The following SGPL1 variants were observed in gnomAD, a reference collection of about 807,000 sequenced individuals.
The protein encoded by SGPL1 is sphingosine-1-phosphate lyase 1, also known as SP-lyase 1.
A neutral mutation model predicts 68.9 loss-of-function variants in SGPL1; 37 were observed. The ratio of observed to expected loss-of-function variants is 0.54; its 90% confidence interval spans 0.41 to 0.71. The LOEUF is 0.71. Among genes scored for constraint, SGPL1 ranks in the 30% least tolerant of loss-of-function variants. The pLI is 0.00. For synonymous variants in SGPL1, 236 were observed against 248.5 expected (o/e 0.95, Z 0.47); for missense variants, 551 against 704.6 (o/e 0.78, Z 2.47).
Position 70,873,694 on chromosome 10 carries a change from T to A in SGPL1, c.1298+105T>A, listed in dbSNP as rs1189662226. On this transcript the variant is annotated intron_variant, in intron 12 of 14. Coordinates refer to ENST00000373202, the MANE Select transcript of SGPL1 (RefSeq NM_003901.4). ...ATCCATAGCCCTAGCCCACCTGTTG[T>A]CTCCTGCGATATAGAGGGCTTAGGG... 10 of 842,422 alleles carry A rather than the reference T, an allele frequency of 1.2e-5. No homozygotes were observed. The Admixed American group carries it at 1.8e-4, about 15-fold the overall frequency. The allele number at this position is 842,422 out of a possible 1,614,324, so 52.2% of individuals were successfully genotyped here.
At chr10:70,870,264 G>A (rs1398745917) in intron 9 of SGPL1, among the ~76,000 whole-genome samples, 1 of 152,106 alleles carries the variant, frequency 6.6e-6, no homozygotes, top group Admixed American at 6.6e-5. Flanking sequence ...TTGGGAAGCC[G>A]AGGAGGGAGG....
At position 70,854,664 on chromosome 10, in the gene SGPL1, T is replaced by C. The variant is rs2171157; in HGVS notation, c.262-44T>C. The C allele has an allele frequency of 0.38, 593,801 of 1,566,664 alleles. 115,003 individuals carry two copies. The highest frequency in any genetic ancestry group is 0.5 in the South Asian group (41,402 of 82,526). On this transcript the variant is annotated intron_variant, in intron 4 of 14. Transcript: ENST00000373202. The stretch of plus-strand genomic sequence containing the variant: ...GTCATAATAATTCTGCTGTCTCTAC[T>C]GTACTCTTGCATCTGGATAACTTTG...
intron 9 of SGPL1, among the ~76,000 whole-genome samples, chr10:70,870,530 C>T (rs1266430932): frequency 2.6e-5 from 4 of 151,456 alleles, no homozygotes; most frequent in Non-Finnish European, 5.9e-5. Flanking sequence ...AAGACTCTCA[C>T]TGTGGTTTAG....
chr10:70,863,289 CTTT>C (rs35676112), intron 7 of SGPL1, among the ~76,000 whole-genome samples: 4,842 of 118,670 alleles, frequency 0.041, 108 homozygotes, highest in Non-Finnish European at 0.057. Context: ...GCTTGGCCGT[CTTT>C]TTTTTTTTTT....
rs142384081 is a variant in SGPL1, at chr10:70,848,611, C to T, written c.194-2532C>T. Among the ~76,000 whole-genome samples, 776 of 151,870 alleles carry T rather than the reference C, an allele frequency of 5.1e-3. 5 individuals are homozygous for T. The highest frequency in any genetic ancestry group is 0.017 in the African/African-American group (687 of 41,442). On this transcript the variant is annotated intron_variant, in intron 3 of 14. Coordinates refer to ENST00000373202, the MANE Select transcript of SGPL1 (RefSeq NM_003901.4). ...TCCCGAGTAGCTGGGATTACAGGCG[C>T]GTGCCATCACGCCCAGCTAATTTTT...
intron 2 of SGPL1, among the ~76,000 whole-genome samples, chr10:70,823,711 CTT>C (rs1845383314): frequency 6.7e-6 from 1 of 148,938 alleles, no homozygotes; most frequent in Non-Finnish European, 1.5e-5. Context: ...ATATATATAT[CTT>C]TTAAAAATTT....
At chr10:70,849,642 A>G (rs1325327260) in intron 3 of SGPL1, among the ~76,000 whole-genome samples, 1 of 152,220 alleles carries the variant, frequency 6.6e-6, no homozygotes, top group Non-Finnish European at 1.5e-5. Context: ...GCAAGGCATG[A>G]TGTGATAGAT....
Position 70,877,440 on chromosome 10 carries a change from ACAACTCAAGAT to A in SGPL1, c.*106_*116del. 9.1e-7 allele frequency: 1 copy of A among 1,103,020 alleles called. No homozygotes were observed. The highest frequency in any genetic ancestry group is 1.4e-6 in the Non-Finnish European group (1 of 736,094). The allele number at this position is 1,103,020 out of a possible 1,614,324, so 68.3% of individuals were successfully genotyped here. A position where few individuals can be genotyped will look rare whatever the true frequency, so the allele number is the denominator to read the frequency against. On this transcript the variant is annotated 3_prime_UTR_variant, in exon 15 of 15. Transcript: ENST00000373202. ...GACATCTGGTCTTGCTCCATAGAGC[ACAACTCAAGAT>A]AGACCATGAGACAGCTTGAGCCTCA...
At position 70,815,948 on chromosome 10, in the gene SGPL1, A is replaced by G. The variant is rs1441510814; in HGVS notation, c.-222A>G. The G allele has an allele frequency of 6.6e-6, 1 of 150,892 alleles. No homozygotes were observed. The highest frequency in any genetic ancestry group is 6.6e-5 in the Admixed American group (1 of 15,174). 9.3% of individuals were successfully genotyped at this position (150,892 alleles called of 1,614,324 possible). A position where few individuals can be genotyped will look rare whatever the true frequency, so the allele number is the denominator to read the frequency against. On this transcript the variant is annotated 5_prime_UTR_variant, in exon 1 of 15. Transcript: ENST00000373202. ...GAGCCGGGCCGGTGCCCCCGGAGCC[A>G]TTTCCGGGAGGGGCGAGGCCGGCGG... is the stretch of plus-strand genomic sequence containing the variant.
At chr10:70,844,131 G>A (rs1845756328) in intron 2 of SGPL1, among the ~76,000 whole-genome samples, 1 of 152,176 alleles carries the variant, frequency 6.6e-6, no homozygotes, top group African/African-American at 2.4e-5. Context: ...ATTGATATTG[G>A]GGGTATTAGT....
intron 7 of SGPL1, chr10:70,866,520 T>G (rs1349549028): frequency 6.6e-6 from 1 of 152,184 alleles, no homozygotes; most frequent in African/African-American, 2.4e-5. Context: ...AGCAGGTGAC[T>G]AGGAATTTGG....
chr10:70,854,401 C>T (rs1845930421), intron 4 of SGPL1, among the ~76,000 whole-genome samples: 1 of 152,062 alleles, frequency 6.6e-6, no homozygotes. Context: ...TCTCGAACTC[C>T]TGACCTGTAA....
intron 3 of SGPL1, among the ~76,000 whole-genome samples, chr10:70,850,674 T>C (rs1845864392): frequency 6.6e-6 from 1 of 152,182 alleles, no homozygotes; most frequent in Admixed American, 6.5e-5. Context: ...AAATAAATTT[T>C]GGCACATCCA....
At chr10:70,823,818 T>G (rs1404477759) in intron 2 of SGPL1, among the ~76,000 whole-genome samples, 1 of 152,072 alleles carries the variant, frequency 6.6e-6, no homozygotes, top group Non-Finnish European at 1.5e-5. Context: ...TAATAACCAA[T>G]TCCAGTAGCC....
intron 7 of SGPL1, among the ~76,000 whole-genome samples, chr10:70,861,216 A>G (rs1846046750): frequency 6.6e-6 from 1 of 152,118 alleles, no homozygotes; most frequent in Non-Finnish European, 1.5e-5. Flanking sequence ...AAAGTTAACC[A>G]GAATGCAGTC....
intron 8 of SGPL1, chr10:70,869,532 A>G: frequency 3.5e-6 from 1 of 286,244 alleles, no homozygotes; most frequent in Non-Finnish European, 6.5e-6. Flanking sequence ...TATGCTTTGG[A>G]TCCCTCACTG....
intron 2 of SGPL1, among the ~76,000 whole-genome samples, chr10:70,827,738 A>C (rs1257787897): frequency 6.6e-6 from 1 of 152,226 alleles, no homozygotes; most frequent in African/African-American, 2.4e-5. Flanking sequence ...TATCCAGGTC[A>C]GTAAATATTT....
chr10:70,843,807 TA>T (rs1341921623), intron 2 of SGPL1, among the ~76,000 whole-genome samples: 1 of 152,230 alleles, frequency 6.6e-6, no homozygotes, highest in East Asian at 1.9e-4. Flanking sequence ...CCTGCTTTTA[TA>T]TGGTCCTTGT....
At chr10:70,850,748 C>T (rs1295268379) in intron 3 of SGPL1, among the ~76,000 whole-genome samples, 1 of 152,032 alleles carries the variant, frequency 6.6e-6, no homozygotes, top group Non-Finnish European at 1.5e-5. Flanking sequence ...AGATAATACT[C>T]CTAAGTGGAA....
Sources: gnomAD v4.1 joint callset for allele counts (sites outside exome capture counted in the v4.1 genomes callset) on GRCh38, gnomAD v4.1.1 for gene constraint, MANE v1.5 for transcripts, NCBI Gene and HGNC (gene_info 2026-07-23, HGNC 2026-07-21) for gene names.